The following ADD3 variants were observed in gnomAD, a reference collection of about 807,000 sequenced individuals.
ADD3 encodes the protein adducin 3.
Under a neutral mutation model 80.2 loss-of-function variants are expected in ADD3, and 25 were observed. The ratio of observed to expected loss-of-function variants is 0.31; its 90% CI spans 0.23 to 0.44. The LOEUF is 0.44. ADD3 is among the 20% of genes least tolerant of loss of function. The pLI, the probability that ADD3 is intolerant of heterozygous loss-of-function variation, is 1.00. For missense variants in ADD3, 829 were observed against 847.5 expected (o/e 0.98, Z 0.27); for synonymous variants, 284 against 289.6 (o/e 0.98, Z 0.20).
At chr10:110,086,782 A>G (rs1846823500) in intron 1 of ADD3, among the ~76,000 whole-genome samples, 1 of 152,164 alleles carries the variant, frequency 6.6e-6, no homozygotes, top group Non-Finnish European at 1.5e-5. Flanking sequence ...TTTATAGATT[A>G]CTTAGTCTCA....
In ADD3 at chr10:110,116,252, C is replaced by T. The variant is rs753241500; in HGVS notation, c.335-7C>T. ...CGTATCTCTCTCCACATTTTTTGCT[C>T]TTTTAGGTCTTGGCATGGTCACACC... On this transcript the variant is annotated splice_polypyrimidine_tract_variant and splice_region_variant and intron_variant, in intron 3 of 14. Transcript: ENST00000356080. The T allele has an allele frequency of 1.9e-6, 3 of 1,611,582 alleles. No individual in the cohort carries two copies. Among genetic ancestry groups the T allele is most frequent in the Non-Finnish European group, 2.5e-6 (3 of 1,179,118 alleles).
At chr10:110,049,119 G>C (rs1397552363) in intron 1 of ADD3, among the ~76,000 whole-genome samples, 1 of 152,226 alleles carries the variant, frequency 6.6e-6, no homozygotes, top group Non-Finnish European at 1.5e-5. Context: ...GAGGGTGCAA[G>C]CCCCAACCTT....
intron 1 of ADD3, among the ~76,000 whole-genome samples, chr10:110,061,211 A>C (rs562850070): frequency 1.2e-3 from 185 of 152,358 alleles, no homozygotes; most frequent in African/African-American, 4.2e-3. Flanking sequence ...CTCATCCAGC[A>C]GAGCCATAAA....
At chr10:110,072,934 G>A (rs554408907) in intron 1 of ADD3, among the ~76,000 whole-genome samples, 2 of 151,962 alleles carry the variant, frequency 1.3e-5, no homozygotes, top group Non-Finnish European at 2.9e-5. Flanking sequence ...TTTACTTTTT[G>A]TCCAGGCCTT....
chr10:110,086,423 C>A (rs191952856), intron 1 of ADD3, among the ~76,000 whole-genome samples: 1 of 152,152 alleles, frequency 6.6e-6, no homozygotes, highest in Admixed American at 6.5e-5. Flanking sequence ...ACAACAACAA[C>A]AAAAAACAGG....
intron 2 of ADD3, among the ~76,000 whole-genome samples, chr10:110,105,754 A>G (rs1849335869): frequency 6.6e-6 from 1 of 152,190 alleles, no homozygotes; most frequent in Admixed American, 6.5e-5. Context: ...ACATTTTAGG[A>G]TATCACTGGA....
At chr10:110,110,138 T>C (rs753851499) in intron 2 of ADD3, among the ~76,000 whole-genome samples, 1 of 152,196 alleles carries the variant, frequency 6.6e-6, no homozygotes, top group Non-Finnish European at 1.5e-5. Context: ...TCACAATTAG[T>C]ATTTTTAAAA....
At chr10:110,089,840 A>G (rs540563510) in intron 1 of ADD3, among the ~76,000 whole-genome samples, 2 of 152,312 alleles carry the variant, frequency 1.3e-5, no homozygotes, top group Non-Finnish European at 2.9e-5. Flanking sequence ...TTGGACTTGA[A>G]GAAATACTTT....
At chr10:110,123,643 G>C (rs939885244) in intron 9 of ADD3, among the ~76,000 whole-genome samples, 10 of 152,116 alleles carry the variant, frequency 6.6e-5, no homozygotes, top group African/African-American at 2.4e-4. Flanking sequence ...CCTCTTCTGT[G>C]AAGGCTCAGA....
At chr10:110,034,632 A>G (rs916560173) in intron 1 of ADD3, among the ~76,000 whole-genome samples, 1 of 152,182 alleles carries the variant, frequency 6.6e-6, no homozygotes, top group Non-Finnish European at 1.5e-5. Context: ...CAACCTAGAC[A>G]ATCATACTCT....
At chr10:110,064,548 C>T (rs1843670916) in intron 1 of ADD3, among the ~76,000 whole-genome samples, 1 of 152,136 alleles carries the variant, frequency 6.6e-6, no homozygotes, top group Non-Finnish European at 1.5e-5. Context: ...TTGCAAAGTG[C>T]TGTTCACGTC....
upstream of ADD3, among the ~76,000 whole-genome samples, chr10:110,006,931 G>A (rs55893729): frequency 6.6e-6 from 1 of 152,148 alleles, no homozygotes; most frequent in Non-Finnish European, 1.5e-5. Context: ...TGAATCATTA[G>A]AATGGCGCTC....
At chr10:110,107,058 G>T (rs2134002449) in intron 2 of ADD3, among the ~76,000 whole-genome samples, 1 of 152,146 alleles carries the variant, frequency 6.6e-6, no homozygotes, top group South Asian at 2.1e-4. Flanking sequence ...CTAGGAAAAT[G>T]AAAAGAAACT....
upstream of ADD3, among the ~76,000 whole-genome samples, chr10:110,002,871 A>T (rs915638601): frequency 2.6e-5 from 4 of 152,256 alleles, no homozygotes; most frequent in African/African-American, 9.6e-5. Context: ...TAAACCATAT[A>T]GGTCACATAG....
chr10:110,024,724 C>G (rs754846146), intron 1 of ADD3, among the ~76,000 whole-genome samples: 3 of 152,168 alleles, frequency 2.0e-5, no homozygotes, highest in African/African-American at 4.8e-5. Flanking sequence ...GTGAAAAGCA[C>G]TCAGTTTTTT....
chr10:110,055,918 C>G (rs1858133487), intron 1 of ADD3, among the ~76,000 whole-genome samples: 1 of 152,276 alleles, frequency 6.6e-6, no homozygotes, highest in African/African-American at 2.4e-5. Flanking sequence ...TACAAATTTT[C>G]TCAATGGAAT....
At chr10:110,051,478 T>C (rs1564895158) in intron 1 of ADD3, among the ~76,000 whole-genome samples, 1 of 152,216 alleles carries the variant, frequency 6.6e-6, no homozygotes, top group East Asian at 1.9e-4. Context: ...TGCATCATTA[T>C]AATAGTGAAA....
upstream of ADD3, chr10:110,005,956 C>A: frequency 4.9e-6 from 1 of 204,358 alleles, no homozygotes; most frequent in Admixed American, 5.7e-5. Context: ...CAAACACTTA[C>A]TACTCAGCAT....
At chr10:110,124,896 T>TTATTA (rs1851953849) in intron 10 of ADD3, among the ~76,000 whole-genome samples, 1 of 152,206 alleles carries the variant, frequency 6.6e-6, no homozygotes, top group African/African-American at 2.4e-5. Context: ...CACAAATTTG[T>TTATTA]AAACTTTATT....
Sources: allele counts gnomAD v4.1 joint callset (sites outside exome capture counted in the v4.1 genomes callset), GRCh38; gene constraint gnomAD v4.1.1; transcripts MANE v1.5; gene names NCBI Gene and HGNC (gene_info 2026-07-23, HGNC 2026-07-21).